The following NXPH2 variants were observed in gnomAD, a reference collection of about 807,000 sequenced individuals.
NXPH2 encodes the protein neurexophilin-2.
Under a neutral mutation model 19.8 loss-of-function variants are expected in NXPH2, and 5 were observed. That is an observed-to-expected ratio of 0.25 (90% CI 0.13 to 0.53). The LOEUF is 0.53. Ranked by LOEUF, NXPH2 falls within the 20% of genes least tolerant of loss-of-function variation. The pLI is 0.96. For missense variants in NXPH2, 289 were observed against 322.8 expected, an observed-to-expected ratio of 0.90 and a Z score of 0.80; for synonymous variants, 154 against 127.4, an observed-to-expected ratio of 1.21 and a Z score of -1.41.
intron 1 of NXPH2, among the ~76,000 whole-genome samples, chr2:138,680,529 A>G (rs1311451433): frequency 6.6e-6 from 1 of 152,172 alleles, no homozygotes; most frequent in Non-Finnish European, 1.5e-5. Context: ...TCTTCAGACA[A>G]TTTGCAGACA....
chr2:138,703,478 C>T (rs1357768761), intron 1 of NXPH2, among the ~76,000 whole-genome samples: 1 of 152,154 alleles, frequency 6.6e-6, no homozygotes, highest in African/African-American at 2.4e-5. Context: ...AAACTATTTC[C>T]AGCCACTTGA....
chr2:138,708,267 C>A (rs1403687035), intron 1 of NXPH2, among the ~76,000 whole-genome samples: 2 of 152,214 alleles, frequency 1.3e-5, no homozygotes, highest in Non-Finnish European at 2.9e-5. Context: ...CTGCCCACTT[C>A]ACAACTATCT....
In NXPH2 at chr2:138,687,391, G is replaced by C. The variant is rs190881339; in HGVS notation, c.52-15726C>G. Among the ~76,000 whole-genome samples, 1,196 of 152,272 alleles carry C rather than the reference G, an allele frequency of 7.9e-3. 18 individuals are homozygous for C. The highest frequency in any genetic ancestry group is 0.027 in the African/African-American group (1,123 of 41,550). ...TGTTCATATACTTCACCGTCTTTTT[G>C]ATGGGGTTGTTTTTTTTCTTGTAAA... On this transcript the variant is annotated intron_variant, in intron 1 of 1. Coordinates refer to ENST00000272641, the MANE Select transcript of NXPH2 (RefSeq NM_007226.3).
chr2:138,695,605 T>A (rs1680818086), intron 1 of NXPH2, among the ~76,000 whole-genome samples: 1 of 152,162 alleles, frequency 6.6e-6, no homozygotes, highest in South Asian at 2.1e-4. Context: ...AGAATAATAT[T>A]AAATATTTCT....
intron 1 of NXPH2, among the ~76,000 whole-genome samples, chr2:138,772,478 G>A (rs1356157010): frequency 6.6e-6 from 1 of 152,052 alleles, no homozygotes; most frequent in Non-Finnish European, 1.5e-5. Context: ...GTATTTTTTA[G>A]TAGAGACGGG....
At chr2:138,683,021 T>C (rs1680600432) in intron 1 of NXPH2, among the ~76,000 whole-genome samples, 1 of 152,222 alleles carries the variant, frequency 6.6e-6, no homozygotes, top group Non-Finnish European at 1.5e-5. Context: ...CAGAGCTCTT[T>C]AACAAATTAT....
rs2104848895 is a variant in NXPH2 at position 138,780,357 on chromosome 2, G to A, written c.-116C>T. On this transcript the variant is annotated 5_prime_UTR_variant, in exon 1 of 2. Coordinates refer to ENST00000272641, the MANE Select transcript of NXPH2 (RefSeq NM_007226.3). ...GGACACAGCGCGGCGCTTCCCTCCC[G>A]GAATCCGAGCGCTGCGCCGTGCCGC... 1 of 509,418 alleles carries A rather than the reference G, an allele frequency of 2.0e-6. No individual in the cohort carries two copies. The highest frequency in any genetic ancestry group is 2.2e-5 in the African/African-American group (1 of 45,730). 31.6% of individuals were successfully genotyped at this position (509,418 alleles called of 1,614,324 possible).
At chr2:138,717,548 C>T (rs1427271479) in intron 1 of NXPH2, among the ~76,000 whole-genome samples, 1 of 151,794 alleles carries the variant, frequency 6.6e-6, no homozygotes. Context: ...GGAAAAAGGT[C>T]ACTAAACCCT....
chr2:138,701,434 G>A (rs1050389824), intron 1 of NXPH2, among the ~76,000 whole-genome samples: 1 of 152,096 alleles, frequency 6.6e-6, no homozygotes, highest in African/African-American at 2.4e-5. Flanking sequence ...GAAAGCAAGG[G>A]GGAGAACACA....
intron 1 of NXPH2, among the ~76,000 whole-genome samples, chr2:138,761,174 G>C (rs962416000): frequency 1.3e-5 from 2 of 152,102 alleles, no homozygotes; most frequent in African/African-American, 4.8e-5. Flanking sequence ...ATCTTCACTT[G>C]AGCATATCCA....
chr2:138,720,667 C>T (rs1041230186), intron 1 of NXPH2, among the ~76,000 whole-genome samples: 5 of 152,208 alleles, frequency 3.3e-5, no homozygotes, highest in African/African-American at 9.6e-5. Context: ...AGAGGAGCCA[C>T]GGCAGCACAG....
chr2:138,745,095 C>A (rs1161509236), intron 1 of NXPH2, among the ~76,000 whole-genome samples: 2 of 152,180 alleles, frequency 1.3e-5, no homozygotes, highest in Non-Finnish European at 2.9e-5. Flanking sequence ...CTAAGACTAA[C>A]CTTCTCAAGC....
intron 1 of NXPH2, among the ~76,000 whole-genome samples, chr2:138,745,493 C>CGGGGGGGG (rs56011084): frequency 1.1e-5 from 1 of 90,242 alleles, no homozygotes; most frequent in African/African-American, 5.4e-5. Context: ...CTTTTTTTGG[C>CGGGGGGGG]GGGGGGGGGG....
chr2:138,740,018 T>A (rs73961529), intron 1 of NXPH2, among the ~76,000 whole-genome samples: 28 of 152,306 alleles, frequency 1.8e-4, no homozygotes, highest in African/African-American at 6.7e-4. Flanking sequence ...CTCTGCTCTC[T>A]ATAATCCTCT....
chr2:138,745,495 G>A (rs1681712101), intron 1 of NXPH2, among the ~76,000 whole-genome samples: 1 of 17,608 alleles, frequency 5.7e-5, no homozygotes, highest in Non-Finnish European at 1.6e-4. Flanking sequence ...TTTTTTGGCG[G>A]GGGGGGGGGG....
intron 1 of NXPH2, among the ~76,000 whole-genome samples, chr2:138,773,276 G>T (rs1682206165): frequency 6.6e-6 from 1 of 152,148 alleles, no homozygotes; most frequent in South Asian, 2.1e-4. Context: ...CGGAAAACAC[G>T]CTTTTGAAAA....
intron 1 of NXPH2, among the ~76,000 whole-genome samples, chr2:138,676,310 G>C (rs983798709): frequency 1.3e-5 from 2 of 152,100 alleles, no homozygotes; most frequent in African/African-American, 4.8e-5. Flanking sequence ...CCTTCCTCTT[G>C]TTATTAATCA....
intron 1 of NXPH2, among the ~76,000 whole-genome samples, chr2:138,738,777 C>T (rs1681592462): frequency 6.6e-6 from 1 of 152,188 alleles, no homozygotes; most frequent in Non-Finnish European, 1.5e-5. Flanking sequence ...TGGTTAATGC[C>T]ACATGCAGAA....
In NXPH2 at chr2:138,726,519, AACACACACACACACAC is replaced by A. The variant is rs57428467; in HGVS notation, c.51+53656_51+53671del. Among the ~76,000 whole-genome samples the A allele has an allele frequency of 3.1e-3, 450 of 146,558 alleles. 1 individual carries two copies. The highest frequency in any genetic ancestry group is 0.011 in the African/African-American group (425 of 39,534). On this transcript the variant is annotated intron_variant, in intron 1 of 1. Transcript: ENST00000272641. ...CTTTTTGGAAAAAAGTAAAAAAAGAAACACACACACACACACACACACACACACACACACACACACC... is the reference window on the plus strand; with the variant it reads ...CTTTTTGGAAAAAAGTAAAAAAAGAAACACACACACACACACACACACACC...
Sources: allele counts gnomAD v4.1 joint callset (sites outside exome capture counted in the v4.1 genomes callset), GRCh38; gene constraint gnomAD v4.1.1; transcripts MANE v1.5; gene names NCBI Gene and HGNC (gene_info 2026-07-23, HGNC 2026-07-21).